Variants in SRRM3 observed in about 807,000 individuals in gnomAD.
SRRM3 encodes serine/arginine repetitive matrix 3, also known as serine/arginine repetitive matrix protein 3.
A neutral mutation model predicts 66.2 loss-of-function variants in SRRM3; 27 were observed. That is an observed-to-expected ratio of 0.41 (90% CI 0.30 to 0.56). The LOEUF is 0.56. Among genes scored for constraint, SRRM3 ranks in the 20% least tolerant of loss-of-function variants. The pLI, the probability that SRRM3 is intolerant of heterozygous loss-of-function variation, is 0.32. For synonymous variants in SRRM3, 391 were observed against 414.9 expected, an observed-to-expected ratio of 0.94 and a Z score of 0.70; for missense variants, 918 against 991.9, an observed-to-expected ratio of 0.93 and a Z score of 1.00.
intron 1 of SRRM3, among the ~76,000 whole-genome samples, chr7:76,227,861 T>G (rs1800917080): frequency 6.6e-6 from 1 of 152,096 alleles, no homozygotes; most frequent in East Asian, 1.9e-4. Flanking sequence ...TGCTTAGTTT[T>G]GTTTTTTGTT....
At position 76,282,797 on chromosome 7, in the gene SRRM3, A is replaced by C. The variant is rs1802560837; in HGVS notation, c.1520A>C (p.Lys507Thr). Residue 507 changes from lysine to threonine, a missense_variant, in exon 13 of 15, where the codon AAA becomes ACA. Transcript: ENST00000611745. ...TGGAGCTCCAGCCGCTCGCCCTCCA[A>C]ATCTCGCTCGCGCTCTGCGGAGAAG... ...RSWSSSRSPS[K>T]SRSRSAEKRP... The C allele has an allele frequency of 6.8e-7, 1 of 1,465,342 alleles. No homozygotes were observed. Among genetic ancestry groups the C allele is most frequent in the South Asian group, 1.3e-5 (1 of 77,444 alleles). The allele number at this position is 1,465,342 out of a possible 1,614,324, so 90.8% of individuals were successfully genotyped here.
intron 3 of SRRM3, among the ~76,000 whole-genome samples, chr7:76,250,744 T>A (rs767866592): frequency 2.2e-4 from 33 of 152,090 alleles, no homozygotes; most frequent in Non-Finnish European, 3.2e-4. Context: ...AAAGACTCCA[T>A]CAAATAAATA....
At position 76,243,856 on chromosome 7, in the gene SRRM3, G is replaced by C. The variant is rs527513402; in HGVS notation, c.234-4332G>C. ...TGGTGACAGTGACAAGCTAGTCTCT[G>C]CAAGAGAAGGTGATGTGGGAGCAAT... On this transcript the variant is annotated intron_variant, in intron 2 of 14. Coordinates refer to ENST00000611745, the MANE Select transcript of SRRM3 (RefSeq NM_001110199.3). Among the ~76,000 whole-genome samples, 400 of 152,346 alleles carry C rather than the reference G, an allele frequency of 2.6e-3. 3 individuals are homozygous for C. Among genetic ancestry groups the C allele is most frequent in the African/African-American group, 9.0e-3 (374 of 41,578 alleles).
At position 76,285,696 on chromosome 7, in the gene SRRM3, G is replaced by GAGCCAC; in HGVS notation, c.1820_1825dup (p.His607_Ser608dup). The GAGCCAC allele has an allele frequency of 6.4e-7, 1 of 1,551,014 alleles. No homozygotes were observed. On this transcript the variant is annotated inframe_insertion, in exon 15 of 15. Coordinates refer to ENST00000611745, the MANE Select transcript of SRRM3 (RefSeq NM_001110199.3). The surrounding 1 kb of genome is among the most constrained non-coding windows in gnomAD (Gnocchi z 4.1). The stretch of plus-strand genomic sequence containing the variant: ...GCTTGAGCAGCGACTACTCGACCCG[G>GAGCCAC]AGCCACAGCCGCAGCCCCAGCCCCG...
chr7:76,219,411 G>A lies in SRRM3; in HGVS notation c.-39-15617G>A, dbSNP rs149806909. Among the ~76,000 whole-genome samples the A allele has an allele frequency of 1.2e-4, 18 of 152,306 alleles. No homozygotes were observed. The East Asian group carries it at 3.1e-3, about 26-fold the overall frequency. On this transcript the variant is annotated intron_variant, in intron 1 of 14. Coordinates refer to ENST00000611745, the MANE Select transcript of SRRM3 (RefSeq NM_001110199.3). ...CCTCTGGAGGCAGCAGACAGTGGAG[G>A]CCTCCTTGTCCCTCCTTGTCCCTTG...
intron 1 of SRRM3, among the ~76,000 whole-genome samples, chr7:76,229,891 GCAC>G (rs1800971520): frequency 6.6e-6 from 1 of 151,958 alleles, no homozygotes; most frequent in Non-Finnish European, 1.5e-5. Flanking sequence ...TTGCAGGCAT[GCAC>G]CACCATGACT....
In SRRM3 at chr7:76,265,379, C is replaced by A; in HGVS notation, c.741C>A (p.Ser247=). 1 of 1,599,904 alleles carries A rather than the reference C, an allele frequency of 6.3e-7. No individual in the cohort carries two copies. The highest frequency in any genetic ancestry group is 8.5e-7 in the Non-Finnish European group (1 of 1,173,852). The part of the protein sequence containing the change: ...NKEKKRPHTE[S]PGRRSHRHSS... ...TCCACGCCAGGCCTCACACAGAGTC[C>A]CCAGGCCGGAGGTCTCATCGCCATA... The change falls in exon 10 of 15, where the codon TCC becomes TCA. Residue 247 remains serine (S), a synonymous_variant. Coordinates refer to ENST00000611745, the MANE Select transcript of SRRM3 (RefSeq NM_001110199.3).
At chr7:76,268,703 C>T (rs1213222898) in intron 11 of SRRM3, 3 of 152,336 alleles carry the variant, frequency 2.0e-5, no homozygotes, top group Non-Finnish European at 4.4e-5. Flanking sequence ...TCTAGACTGT[C>T]CCACCTGGAC....
intron 2 of SRRM3, among the ~76,000 whole-genome samples, chr7:76,246,312 C>T (rs981233082): frequency 2.0e-5 from 3 of 152,002 alleles, no homozygotes; most frequent in African/African-American, 7.2e-5. Context: ...GCCTGTAATC[C>T]CAGCACTTTG....
At chr7:76,225,679 G>A (rs1800847343) in intron 1 of SRRM3, among the ~76,000 whole-genome samples, 1 of 152,126 alleles carries the variant, frequency 6.6e-6, no homozygotes, top group African/African-American at 2.4e-5. Context: ...CCAAGAGTTT[G>A]AGACCAGCCT....
At chr7:76,279,820 C>G (rs1802448682) in intron 11 of SRRM3, among the ~76,000 whole-genome samples, 1 of 152,066 alleles carries the variant, frequency 6.6e-6, no homozygotes. Context: ...TGTCCTAACT[C>G]CACTTTTGGA....
chr7:76,258,161 G>C (rs1554608002), intron 3 of SRRM3, among the ~76,000 whole-genome samples: 2 of 152,144 alleles, frequency 1.3e-5, no homozygotes, highest in Admixed American at 6.6e-5. Context: ...CTGCCACCAG[G>C]CTTGATTGAT....
chr7:76,239,646 C>T lies in SRRM3; in HGVS notation c.233+4347C>T, dbSNP rs371321689. Among the ~76,000 whole-genome samples, 6 of 151,918 alleles carry T rather than the reference C, an allele frequency of 3.9e-5. No individual in the cohort carries two copies. In the East Asian group the frequency reaches 5.8e-4, roughly 15 times the overall value. On this transcript the variant is annotated intron_variant, in intron 2 of 14. Coordinates refer to ENST00000611745, the MANE Select transcript of SRRM3 (RefSeq NM_001110199.3). ...TAAGCCTGAGAAGTCGAGGCTGCAG[C>T]GAGCTATGATTGCACCACTGCACTC...
At chr7:76,276,616 T>A (rs548788826) in intron 11 of SRRM3, among the ~76,000 whole-genome samples, 1 of 152,210 alleles carries the variant, frequency 6.6e-6, no homozygotes, top group East Asian at 1.9e-4. Context: ...AAAAGCAGCT[T>A]CCTGGAGGGG....
In SRRM3 at chr7:76,285,946, C is replaced by T; in HGVS notation, c.*103C>T. Reference sequence around the variant, plus strand: ...GGGCTATATCTCCTTGCCCCCAAGGCTACAAAGAGGTCTCAGGGCCAGTGC... The same window carrying T: ...GGGCTATATCTCCTTGCCCCCAAGGTTACAAAGAGGTCTCAGGGCCAGTGC... On this transcript the variant is annotated 3_prime_UTR_variant, in exon 15 of 15. Coordinates refer to ENST00000611745, the MANE Select transcript of SRRM3 (RefSeq NM_001110199.3). The surrounding 1 kb of genome is among the most constrained non-coding windows in gnomAD (Gnocchi z 4.1). 1.5e-6 allele frequency: 2 copies of T among 1,290,414 alleles called. No homozygotes were observed. The highest frequency in any genetic ancestry group is 3.0e-5 in the South Asian group (2 of 65,636). 79.9% of individuals were successfully genotyped at this position (1,290,414 alleles called of 1,614,324 possible). A position where few individuals can be genotyped will look rare whatever the true frequency, so the allele number is the denominator to read the frequency against.
chr7:76,282,747 C>A lies in SRRM3; in HGVS notation c.1470C>A (p.Arg490=). The A allele has an allele frequency of 6.9e-7, 1 of 1,459,570 alleles. No individual in the cohort carries two copies. The highest frequency in any genetic ancestry group is 9.0e-7 in the Non-Finnish European group (1 of 1,111,420). 90.4% of individuals were successfully genotyped at this position (1,459,570 alleles called of 1,614,324 possible). ...GCCCAGAAGGGAAGAGCTCGTCGCG[C>A]AGCCCCGGCCCGCACCCCCGCTCCT... The part of the protein sequence containing the change: ...RGGPEGKSSS[R]SPGPHPRSWS... The change falls in exon 13 of 15, where the codon CGC becomes CGA. Residue 490 remains arginine, a synonymous_variant. Transcript: ENST00000611745.
intron 8 of SRRM3, among the ~76,000 whole-genome samples, chr7:76,263,938 T>G (rs1801947143): frequency 6.8e-6 from 1 of 147,164 alleles, no homozygotes; most frequent in Non-Finnish European, 1.5e-5. Context: ...AAAGCATTTC[T>G]TTCCTAAACC....
intron 11 of SRRM3, among the ~76,000 whole-genome samples, chr7:76,277,749 A>AGAAAGAAAAAAGAAAAAAG (rs1802391238): frequency 1.3e-5 from 2 of 151,222 alleles, no homozygotes; most frequent in South Asian, 4.2e-4. Flanking sequence ...AGAGAGAGAA[A>AGAAAGAAAAAAGAAAAAAG]GAAAGAAAAG....
At chr7:76,212,609 C>T (rs998439742) in intron 1 of SRRM3, among the ~76,000 whole-genome samples, 1 of 151,524 alleles carries the variant, frequency 6.6e-6, no homozygotes. Context: ...GCTGGGATTA[C>T]AGGCACCCGC....
Sources: gnomAD v4.1 joint callset for allele counts (sites outside exome capture counted in the v4.1 genomes callset) on GRCh38, gnomAD v4.1.1 for gene constraint, Gnocchi (gnomAD v3.1) non-coding constraint, MANE v1.5 for transcripts, NCBI Gene and HGNC (gene_info 2026-07-23, HGNC 2026-07-21) for gene names.